DAG1: variants seen among roughly 807,000 people sequenced by gnomAD.
DAG1 encodes the protein dystroglycan 1.
DAG1 carries 8 observed loss-of-function variants against 46.1 expected under a neutral mutation model. The observed-to-expected ratio is 0.17, with a 90% CI of 0.10 to 0.31. The LOEUF is 0.31. Ranked by LOEUF, DAG1 falls within the 10% of genes least tolerant of loss-of-function variation. DAG1 has a pLI of 1.00. For synonymous variants in DAG1, 495 were observed against 481.8 expected, an observed-to-expected ratio of 1.03 and a Z score of -0.36; for missense variants, 1,003 against 1,189.9, an observed-to-expected ratio of 0.84 and a Z score of 2.31.
intron 2 of DAG1, among the ~76,000 whole-genome samples, chr3:49,514,349 G>T (rs1345680423): frequency 6.6e-6 from 1 of 152,150 alleles, no homozygotes; most frequent in Non-Finnish European, 1.5e-5. Flanking sequence ...AAAATCTGTG[G>T]TTTCTACCAT....
In DAG1 at chr3:49,532,305, C is replaced by A; in HGVS notation, c.1794C>A (p.Arg598=). 1 of 1,614,142 alleles carries A rather than the reference C, an allele frequency of 6.2e-7. No homozygotes were observed. The highest frequency in any genetic ancestry group is 8.5e-7 in the Non-Finnish European group (1 of 1,180,034). The change falls in exon 3 of 3, where the codon CGC becomes CGA. Residue 598 remains arginine (R), a synonymous_variant. Transcript: ENST00000308775. This position sits in a 1 kb window ranked among gnomAD's most constrained non-coding sequence, Gnocchi z 5.4. ...CCTTCGAGATCCACGTCCACAGGCG[C>A]CCCCAAGGGGATAGGGCTCCTGCAA... ...VDAFEIHVHR[R]PQGDRAPARF... is the part of the protein sequence containing the mutation.
chr3:49,487,689 A>ATTTTT (rs1483239639), intron 1 of DAG1, among the ~76,000 whole-genome samples: 3 of 103,854 alleles, frequency 2.9e-5, no homozygotes, highest in African/African-American at 1.1e-4. Context: ...AGCCCCATAC[A>ATTTTT]TTCTTTTTTT....
chr3:49,472,612 C>A (rs1300350857), intron 1 of DAG1, among the ~76,000 whole-genome samples: 2 of 152,090 alleles, frequency 1.3e-5, no homozygotes, highest in East Asian at 3.9e-4. Context: ...TCGAGATCAT[C>A]CTGGCTAACA....
chr3:49,518,016 GT>G (rs1198783214), intron 2 of DAG1, among the ~76,000 whole-genome samples: 1 of 152,228 alleles, frequency 6.6e-6, no homozygotes, highest in Non-Finnish European at 1.5e-5. Context: ...GGAGAGAGAA[GT>G]GGGTCCGTAA....
chr3:49,476,909 A>G (rs1463665349), intron 1 of DAG1: 1 of 152,218 alleles, frequency 6.6e-6, no homozygotes, highest in South Asian at 2.1e-4. Flanking sequence ...AGGTGAGGTA[A>G]GGTACTTGAA....
chr3:49,532,302 G>C lies in DAG1; in HGVS notation c.1791G>C (p.Arg597Ser). Residue 597 changes from arginine to serine, a missense_variant, in exon 3 of 3, where the codon AGG (arginine) becomes AGC (serine). Physicochemically the swap from Arg to Ser is moderately radical, Grantham distance 110. Around this residue, in one of 3 missense-constraint regions of DAG1, gnomAD observed 755 missense variants for 854.1 expected, o/e 0.88. Coordinates refer to ENST00000308775, the MANE Select transcript of DAG1 (RefSeq NM_004393.6). This position sits in a 1 kb window ranked among gnomAD's most constrained non-coding sequence, Gnocchi z 5.4. ...ATGCCTTCGAGATCCACGTCCACAG[G>C]CGCCCCCAAGGGGATAGGGCTCCTG... The part of the protein sequence containing the change: ...AVDAFEIHVH[R>S]RPQGDRAPAR... The C allele has an allele frequency of 6.2e-7, 1 of 1,614,170 alleles. No individual in the cohort carries two copies. Among genetic ancestry groups the C allele is most frequent in the Non-Finnish European group, 8.5e-7 (1 of 1,180,034 alleles).
chr3:49,530,081 T>G (rs148026644), intron 2 of DAG1, among the ~76,000 whole-genome samples: 30 of 152,336 alleles, frequency 2.0e-4, no homozygotes, highest in African/African-American at 5.5e-4. Flanking sequence ...TTGGGATTCC[T>G]TTAGTAAGCA....
intron 1 of DAG1, among the ~76,000 whole-genome samples, chr3:49,505,225 T>G (rs2050572367): frequency 6.6e-6 from 1 of 152,006 alleles, no homozygotes; most frequent in African/African-American, 2.4e-5. Flanking sequence ...CAAGTGATGC[T>G]TCTGCCTCAG....
At chr3:49,476,507 C>T (rs917071556) in intron 1 of DAG1, among the ~76,000 whole-genome samples, 1 of 152,096 alleles carries the variant, frequency 6.6e-6, no homozygotes, top group Non-Finnish European at 1.5e-5. Context: ...AGGAAAATTG[C>T]CTGAACCTGG....
At chr3:49,483,215 T>C (rs1211560143) in intron 1 of DAG1, among the ~76,000 whole-genome samples, 1 of 151,706 alleles carries the variant, frequency 6.6e-6, no homozygotes, top group Non-Finnish European at 1.5e-5. Context: ...TTTTTTTTTT[T>C]TTCTTTTGAG....
intron 2 of DAG1, among the ~76,000 whole-genome samples, chr3:49,518,202 C>T (rs1341674280): frequency 6.6e-6 from 1 of 152,086 alleles, no homozygotes. Context: ...TCAGGTGGAA[C>T]GTGATCTGCA....
At chr3:49,471,845 G>A (rs2049527259) in intron 1 of DAG1, among the ~76,000 whole-genome samples, 1 of 152,168 alleles carries the variant, frequency 6.6e-6, no homozygotes, top group Admixed American at 6.6e-5. Flanking sequence ...TCAGTTTAGG[G>A]GGCAGTGGGG....
rs370180833 is a variant in DAG1 at position 49,532,884 on chromosome 3, C to T, written c.2373C>T (p.Phe791=). 2.5e-6 allele frequency: 4 copies of T among 1,614,026 alleles called. No individual in the cohort carries two copies. In the African/African-American group the frequency reaches 5.3e-5, roughly 22 times the overall value. The part of the protein sequence containing the change: ...GKLTLEDQAT[F]IKKGVPIIFA... Reference sequence around the variant, plus strand: ...TTACCCTTGAGGACCAGGCCACCTTCATCAAGAAGGGGGTGCCTATCATCT... The same window carrying T: ...TTACCCTTGAGGACCAGGCCACCTTTATCAAGAAGGGGGTGCCTATCATCT... Residue 791 remains phenylalanine, a synonymous_variant, in exon 3 of 3, where the codon TTC becomes TTT. Transcript: ENST00000308775. The surrounding 1 kb of genome is among the most constrained non-coding windows in gnomAD (Gnocchi z 5.4).
intron 1 of DAG1, among the ~76,000 whole-genome samples, chr3:49,506,487 T>C (rs969482518): frequency 2.0e-5 from 3 of 152,198 alleles, no homozygotes; most frequent in Non-Finnish European, 4.4e-5. Context: ...CCTATTTGTC[T>C]GAGAGTTTTT....
At chr3:49,510,174 G>A in intron 1 of DAG1, 1 of 483,264 alleles carries the variant, frequency 2.1e-6, no homozygotes, top group Non-Finnish European at 3.6e-6. Context: ...GTATTAATGA[G>A]GCATTTTACA....
At position 49,535,405 on chromosome 3, in the gene DAG1, A is replaced by G. The variant is rs561887044; in HGVS notation, c.*2206A>G. 15 of 152,770 alleles carry G rather than the reference A, an allele frequency of 9.8e-5. No individual in the cohort carries two copies. The highest frequency in any genetic ancestry group is 2.9e-4 in the African/African-American group (12 of 41,560). 9.5% of individuals were successfully genotyped at this position (152,770 alleles called of 1,614,324 possible). ...CGATGGGGCAGTGAACAGAATAACA[A>G]CAGCAACAATGCCTTTGCAGGCAGC... On this transcript the variant is annotated 3_prime_UTR_variant, in exon 3 of 3. Transcript: ENST00000308775.
chr3:49,495,403 C>T (rs1055556065), intron 1 of DAG1, among the ~76,000 whole-genome samples: 1 of 152,154 alleles, frequency 6.6e-6, no homozygotes, highest in African/African-American at 2.4e-5. Flanking sequence ...CAAATAAAGC[C>T]TCACACCTAG....
Position 49,533,473 on chromosome 3 carries a change from G to A in DAG1, c.*274G>A, listed in dbSNP as rs1435717257. ...ATTCTTCGCTTCATTTTTGATGGCT[G>A]GCTCTGAAAGCACCATGTGGAGTGG... On this transcript the variant is annotated 3_prime_UTR_variant, in exon 3 of 3. Coordinates refer to ENST00000308775, the MANE Select transcript of DAG1 (RefSeq NM_004393.6). 9.6e-6 allele frequency: 6 copies of A among 626,302 alleles called. No individual in the cohort carries two copies. The Admixed American group carries it at 1.3e-4, about 13-fold the overall frequency. The allele number at this position is 626,302 out of a possible 1,614,324, so 38.8% of individuals were successfully genotyped here.
intron 1 of DAG1, among the ~76,000 whole-genome samples, chr3:49,493,501 T>C (rs1181052187): frequency 6.6e-6 from 1 of 152,214 alleles, no homozygotes; most frequent in Admixed American, 6.5e-5. Flanking sequence ...AGGGCATCTT[T>C]AAGGATTTCT....
Sources: gnomAD v4.1 joint callset for allele counts (sites outside exome capture counted in the v4.1 genomes callset) on GRCh38, gnomAD v4.1.1 for gene constraint, gnomAD v4.1.1 regional missense constraint, Gnocchi (gnomAD v3.1) non-coding constraint, MANE v1.5 for transcripts, NCBI Gene and HGNC (gene_info 2026-07-23, HGNC 2026-07-21) for gene names.